TAFA5: variants seen among roughly 807,000 people sequenced by gnomAD.
The protein encoded by TAFA5 is chemokine-like protein TAFA-5.
A neutral mutation model predicts 15.3 loss-of-function variants in TAFA5; 6 were observed. The ratio of observed to expected loss-of-function variants is 0.39; its 90% CI spans 0.21 to 0.77. The LOEUF is 0.77. TAFA5 is among the 30% of genes least tolerant of loss of function. TAFA5 has a pLI of 0.41. For missense variants in TAFA5, 161 were observed against 193.1 expected, an observed-to-expected ratio of 0.83 and a Z score of 0.98; for synonymous variants, 103 against 80.7, an observed-to-expected ratio of 1.28 and a Z score of -1.48.
chr22:48,624,620 G>A (rs1925964175), intron 1 of TAFA5, among the ~76,000 whole-genome samples: 1 of 152,184 alleles, frequency 6.6e-6, no homozygotes, highest in Non-Finnish European at 1.5e-5. Context: ...CTGGCCATGG[G>A]CGCTCCCCCT....
At chr22:48,513,496 G>A (rs1921298424) in intron 1 of TAFA5, among the ~76,000 whole-genome samples, 1 of 152,166 alleles carries the variant, frequency 6.6e-6, no homozygotes, top group African/African-American at 2.4e-5. Flanking sequence ...CGATTCCTGG[G>A]TGCCACCCCA....
At chr22:48,713,305 G>A (rs1261289511) in intron 3 of TAFA5, among the ~76,000 whole-genome samples, 3 of 152,198 alleles carry the variant, frequency 2.0e-5, no homozygotes, top group Non-Finnish European at 2.9e-5. Context: ...TGATCTCGTG[G>A]GGGCTCGGAT....
chr22:48,551,649 G>A (rs894673453), intron 1 of TAFA5, among the ~76,000 whole-genome samples: 3 of 152,158 alleles, frequency 2.0e-5, no homozygotes, highest in African/African-American at 7.2e-5. Context: ...ATGTGCATGG[G>A]GTCCTAAGGG....
intron 1 of TAFA5, among the ~76,000 whole-genome samples, chr22:48,562,831 C>T (rs1476254418): frequency 6.6e-6 from 1 of 152,186 alleles, no homozygotes; most frequent in African/African-American, 2.4e-5. Context: ...AGAGGACTCA[C>T]TCGTGAACTT....
intron 1 of TAFA5, among the ~76,000 whole-genome samples, chr22:48,580,701 C>T (rs1924004346): frequency 6.6e-6 from 1 of 152,224 alleles, no homozygotes; most frequent in Non-Finnish European, 1.5e-5. Context: ...TCTGTGTTCT[C>T]AATGCTTACG....
At chr22:48,710,674 C>A (rs889369711) in intron 3 of TAFA5, among the ~76,000 whole-genome samples, 2 of 152,184 alleles carry the variant, frequency 1.3e-5, no homozygotes, top group African/African-American at 4.8e-5. Flanking sequence ...GCAGTGAGCC[C>A]CCCTTATTCT....
intron 1 of TAFA5, among the ~76,000 whole-genome samples, chr22:48,556,368 A>G (rs925277047): frequency 6.6e-6 from 1 of 152,146 alleles, no homozygotes; most frequent in Admixed American, 6.5e-5. Flanking sequence ...CACCACAGGG[A>G]GAAGCAATTA....
At chr22:48,564,969 T>C (rs1288791335) in intron 1 of TAFA5, among the ~76,000 whole-genome samples, 1 of 152,108 alleles carries the variant, frequency 6.6e-6, no homozygotes, top group Non-Finnish European at 1.5e-5. Flanking sequence ...TCTCCATCCA[T>C]GAGGGGTTAG....
intron 2 of TAFA5, among the ~76,000 whole-genome samples, chr22:48,662,656 C>T (rs1196404738): frequency 6.6e-6 from 1 of 152,194 alleles, no homozygotes; most frequent in African/African-American, 2.4e-5. Context: ...GCGAGCTCAC[C>T]GGAGCAGGTG....
At chr22:48,713,209 A>G (rs1051360945) in intron 3 of TAFA5, among the ~76,000 whole-genome samples, 9 of 152,102 alleles carry the variant, frequency 5.9e-5, no homozygotes, top group Non-Finnish European at 1.3e-4. Context: ...CTATTCGGGA[A>G]CTCGTATTTC....
intron 1 of TAFA5, among the ~76,000 whole-genome samples, chr22:48,558,134 C>G (rs186361518): frequency 3.6e-3 from 554 of 152,292 alleles, no homozygotes; most frequent in Middle Eastern, 0.017. Flanking sequence ...GAGAGCAAGC[C>G]GGGCCTGTGC....
chr22:48,588,210 C>G (rs1010814068), intron 1 of TAFA5, among the ~76,000 whole-genome samples: 5 of 152,216 alleles, frequency 3.3e-5, no homozygotes, highest in Admixed American at 2.6e-4. Flanking sequence ...ACAGGTGCGT[C>G]TGGTGAGAGG....
At chr22:48,692,148 A>T (rs1373795585) in intron 2 of TAFA5, among the ~76,000 whole-genome samples, 1 of 150,770 alleles carries the variant, frequency 6.6e-6, no homozygotes, top group Non-Finnish European at 1.5e-5. Flanking sequence ...GCCCTGGCCC[A>T]CCCAGGAGAC....
rs1601634940 is a variant in TAFA5 at position 48,639,486 on chromosome 22, A to G, written c.113-7111A>G. ...CACACGGTTTGTGGGTCTGCGCCCC[A>G]CGGGTGGCAGGAGCTGCTCCAGAGG... On this transcript the variant is annotated intron_variant, in intron 1 of 3. Transcript: ENST00000402357. Among the ~76,000 whole-genome samples, 8 of 152,334 alleles carry G rather than the reference A, an allele frequency of 5.3e-5. No homozygotes were observed. The South Asian group carries it at 1.5e-3, about 28-fold the overall frequency.
chr22:48,608,887 A>G (rs35951879), intron 1 of TAFA5, among the ~76,000 whole-genome samples: 19,427 of 152,266 alleles, frequency 0.13, 1,337 homozygotes, highest in African/African-American at 0.17. Flanking sequence ...CCAGGTTTGC[A>G]GCCCTTGTGC....
chr22:48,584,279 A>T (rs546271360), intron 1 of TAFA5, among the ~76,000 whole-genome samples: 2 of 86,790 alleles, frequency 2.3e-5, no homozygotes, highest in East Asian at 6.1e-4. Context: ...CCACACACAC[A>T]CACACCACAC....
intron 1 of TAFA5, among the ~76,000 whole-genome samples, chr22:48,536,296 G>A (rs1432957579): frequency 6.6e-6 from 1 of 152,220 alleles, no homozygotes; most frequent in East Asian, 1.9e-4. Context: ...CATAGAGGGA[G>A]AATTGTCTAT....
intron 1 of TAFA5, among the ~76,000 whole-genome samples, chr22:48,642,446 C>G (rs546388965): frequency 2.0e-5 from 3 of 152,184 alleles, no homozygotes; most frequent in Admixed American, 1.3e-4. Flanking sequence ...TCTGAACCCC[C>G]CTTTCTGAGA....
chr22:48,657,919 G>A lies in TAFA5; in HGVS notation c.262+11173G>A, dbSNP rs565595468. 1.1e-4 allele frequency among the ~76,000 whole-genome samples: 17 copies of A among 151,986 alleles called. 1 individual carries two copies. In the East Asian group the frequency reaches 1.4e-3, roughly 12 times the overall value. Reference sequence around the variant, plus strand: ...GAGTGATGCCTTCCAGGTTCTTGATGGTGTTTAAAGTGTCCACTACACCCT... The same window carrying A: ...GAGTGATGCCTTCCAGGTTCTTGATAGTGTTTAAAGTGTCCACTACACCCT... On this transcript the variant is annotated intron_variant, in intron 2 of 3. Coordinates refer to ENST00000402357, the MANE Select transcript of TAFA5 (RefSeq NM_001082967.3).
Sources: allele counts gnomAD v4.1 joint callset (sites outside exome capture counted in the v4.1 genomes callset), GRCh38; gene constraint gnomAD v4.1.1; transcripts MANE v1.5; gene names NCBI Gene and HGNC (gene_info 2026-07-23, HGNC 2026-07-21).